The following RBFOX1 variants were observed in gnomAD, a reference collection of about 807,000 sequenced individuals.
RBFOX1 encodes the protein RNA binding protein fox-1 homolog 1.
Under a neutral mutation model 57.7 loss-of-function variants are expected in RBFOX1, and 8 were observed. The observed-to-expected ratio is 0.14, with a 90% CI of 0.08 to 0.25. The LOEUF (loss-of-function observed/expected upper bound fraction) is 0.25. Among genes scored for constraint, RBFOX1 ranks in the 10% least tolerant of loss-of-function variants. The pLI is 1.00. For missense variants in RBFOX1, 611 were observed against 548.5 expected (o/e 1.11, Z -1.14); for synonymous variants, 326 against 222.4 (o/e 1.47, Z -4.15).
intron 4 of RBFOX1, among the ~76,000 whole-genome samples, chr16:5,898,786 A>G (rs1222799945): frequency 6.6e-6 from 1 of 151,888 alleles, no homozygotes; most frequent in Non-Finnish European, 1.5e-5. Flanking sequence ...CTGGTTGCAC[A>G]CAGTGGCTCA....
At chr16:7,584,244 T>C (rs2093972964) in intron 6 of RBFOX1, among the ~76,000 whole-genome samples, 1 of 152,184 alleles carries the variant, frequency 6.6e-6, no homozygotes, top group South Asian at 2.1e-4. Context: ...CATCTAAAAA[T>C]GCTTGGTAGG....
chr16:5,859,641 A>G (rs2057159906), intron 3 of RBFOX1, among the ~76,000 whole-genome samples: 1 of 152,148 alleles, frequency 6.6e-6, no homozygotes, highest in Admixed American at 6.5e-5. Flanking sequence ...GACAGGGAGG[A>G]TAAAACTCTG....
intron 4 of RBFOX1, among the ~76,000 whole-genome samples, chr16:7,392,356 G>T (rs1055294831): frequency 3.9e-5 from 6 of 152,054 alleles, no homozygotes; most frequent in Non-Finnish European, 8.8e-5. Context: ...TTTGGACAAT[G>T]GCCTGTTTCC....
intron 1 of RBFOX1, among the ~76,000 whole-genome samples, chr16:6,244,042 G>C (rs763709517): frequency 5.0e-4 from 76 of 152,136 alleles, no homozygotes; most frequent in Non-Finnish European, 1.0e-3. Context: ...GAGTGATGCA[G>C]TCTTCTCTCA....
chr16:5,859,569 G>T (rs964262597), intron 3 of RBFOX1, among the ~76,000 whole-genome samples: 2 of 152,162 alleles, frequency 1.3e-5, no homozygotes, highest in African/African-American at 4.8e-5. Context: ...TCACTTGCCA[G>T]CAAAGGAAGA....
chr16:7,479,407 G>C (rs1055025455), intron 4 of RBFOX1, among the ~76,000 whole-genome samples: 121 of 152,230 alleles, frequency 7.9e-4, no homozygotes, highest in African/African-American at 2.7e-3. Context: ...TGGGATTACA[G>C]GTATGAGCCG....
chr16:5,954,264 C>G (rs1325360766), intron 4 of RBFOX1, among the ~76,000 whole-genome samples: 1 of 152,168 alleles, frequency 6.6e-6, no homozygotes, highest in Non-Finnish European at 1.5e-5. Context: ...GTGACAGACC[C>G]CCACCCACCC....
chr16:6,501,545 G>C (rs2095929032), intron 2 of RBFOX1, among the ~76,000 whole-genome samples: 2 of 151,936 alleles, frequency 1.3e-5, no homozygotes. Flanking sequence ...ATCATTGTTG[G>C]ACATTTGGGT....
intron 3 of RBFOX1, among the ~76,000 whole-genome samples, chr16:6,716,833 A>C (rs1016622068): frequency 6.6e-6 from 1 of 152,154 alleles, no homozygotes; most frequent in African/African-American, 2.4e-5. Flanking sequence ...CCGTGTTGAC[A>C]TTATGTGAGT....
At chr16:5,670,147 G>A (rs1333524610) in intron 3 of RBFOX1, among the ~76,000 whole-genome samples, 1 of 152,058 alleles carries the variant, frequency 6.6e-6, no homozygotes, top group Non-Finnish European at 1.5e-5. Flanking sequence ...CATAGCGACA[G>A]CAGATTAGTG....
At chr16:6,850,941 A>C (rs141376253) in intron 3 of RBFOX1, among the ~76,000 whole-genome samples, 13 of 152,334 alleles carry the variant, frequency 8.5e-5, no homozygotes, top group African/African-American at 2.9e-4. Context: ...CTGCAGCTTT[A>C]TTTGTAATAA....
chr16:5,688,615 C>A (rs2050574874), intron 3 of RBFOX1, among the ~76,000 whole-genome samples: 3 of 152,154 alleles, frequency 2.0e-5, no homozygotes, highest in Non-Finnish European at 4.4e-5. Context: ...ATGGCCTGAA[C>A]TGGATGGTTG....
At chr16:5,852,736 G>A (rs974384820) in intron 3 of RBFOX1, among the ~76,000 whole-genome samples, 4 of 152,114 alleles carry the variant, frequency 2.6e-5, no homozygotes, top group South Asian at 2.1e-4. Flanking sequence ...AGGCTGAGGC[G>A]GGAGGATCAC....
chr16:7,492,257 A>C (rs1390539951), intron 4 of RBFOX1, among the ~76,000 whole-genome samples: 2 of 152,198 alleles, frequency 1.3e-5, no homozygotes, highest in Non-Finnish European at 2.9e-5. Context: ...AAATAAAAGG[A>C]ATGCAGATTA....
At chr16:5,597,455 A>G (rs922029737) in intron 2 of RBFOX1, among the ~76,000 whole-genome samples, 5 of 145,636 alleles carry the variant, frequency 3.4e-5, no homozygotes, top group African/African-American at 7.8e-5. Flanking sequence ...CTGGAGTGCA[A>G]TGGCGGTGGT....
chr16:7,093,135 G>C (rs1408523665), intron 4 of RBFOX1, among the ~76,000 whole-genome samples: 1 of 152,212 alleles, frequency 6.6e-6, no homozygotes, highest in Non-Finnish European at 1.5e-5. Context: ...TTACCCCAGT[G>C]AATTCTGATT....
intron 3 of RBFOX1, among the ~76,000 whole-genome samples, chr16:6,784,149 C>G (rs1327170106): frequency 6.6e-6 from 1 of 151,920 alleles, no homozygotes; most frequent in Non-Finnish European, 1.5e-5. Context: ...CTTTCTTGTA[C>G]CTGGATATTC....
chr16:6,528,208 T>C (rs1170083342), intron 2 of RBFOX1, among the ~76,000 whole-genome samples: 1 of 152,178 alleles, frequency 6.6e-6, no homozygotes, highest in Non-Finnish European at 1.5e-5. Flanking sequence ...CTGCTCATAG[T>C]AGTTGCTCAA....
chr16:5,423,075 G>T (rs1234551001), intron 1 of RBFOX1, among the ~76,000 whole-genome samples: 1 of 129,980 alleles, frequency 7.7e-6, no homozygotes, highest in Non-Finnish European at 1.7e-5. Context: ...AGAGGAGGAG[G>T]AAGGAGAGGG....
Sources: allele counts gnomAD v4.1 joint callset (sites outside exome capture counted in the v4.1 genomes callset), GRCh38; gene constraint gnomAD v4.1.1; transcripts MANE v1.5; gene names NCBI Gene and HGNC (gene_info 2026-07-23, HGNC 2026-07-21).